Variants in ZNF804B observed in about 807,000 individuals in gnomAD.
ZNF804B encodes the protein zinc finger protein 804B, also known as zinc finger 804B.
In ZNF804B, 80 loss-of-function variants were observed where a neutral mutation model predicts 101.4. That is an observed-to-expected ratio of 0.79 (90% CI 0.66 to 0.95). The LOEUF (loss-of-function observed/expected upper bound fraction) is 0.95. ZNF804B is among the 40% of genes least tolerant of loss of function. ZNF804B has a pLI of 0.00. For synonymous variants in ZNF804B, 622 were observed against 558.8 expected (o/e 1.11, Z -1.59); for missense variants, 1,673 against 1,561.9 (o/e 1.07, Z -1.20).
rs368697789 is a variant in ZNF804B, at chr7:89,335,116, T to G, written c.2134T>G (p.Leu712Val). ...QSCLSRYSSS[L>V]DTSPSSMSSL... ...ATGTTTGAGTAGATATTCTTCCTCT[T>G]TGGACACATCCCCTAGCAGCATGTC... Residue 712 changes from leucine to valine, a missense_variant, in exon 4 of 4, where the codon TTG (leucine) becomes GTG (valine). Transcript: ENST00000333190. 7 of 1,613,862 alleles carry G rather than the reference T, an allele frequency of 4.3e-6. No individual in the cohort carries two copies. Among genetic ancestry groups the G allele is most frequent in the Non-Finnish European group, 5.9e-6 (7 of 1,179,910 alleles).
chr7:89,177,891 C>A (rs181360721), intron 1 of ZNF804B, among the ~76,000 whole-genome samples: 2 of 151,442 alleles, frequency 1.3e-5, no homozygotes, highest in African/African-American at 2.4e-5. Context: ...GCCGACACAG[C>A]GCCACTGCAC....
chr7:89,184,216 CAT>C (rs1788341316), intron 1 of ZNF804B, among the ~76,000 whole-genome samples: 1 of 152,130 alleles, frequency 6.6e-6, no homozygotes, highest in Non-Finnish European at 1.5e-5. Context: ...CTCACACACA[CAT>C]ATTTTAATCA....
chr7:88,837,887 A>G lies in ZNF804B; in HGVS notation c.108+77803A>G, dbSNP rs551170324. On this transcript the variant is annotated intron_variant, in intron 1 of 3. Coordinates refer to ENST00000333190, the MANE Select transcript of ZNF804B (RefSeq NM_181646.5). ...TAAAATACCACCACTAATCTCCCCA[A>G]GTTTTTTAAGAAAATATATTTACTT... Among the ~76,000 whole-genome samples, 11 of 151,876 alleles carry G rather than the reference A, an allele frequency of 7.2e-5. No individual in the cohort carries two copies. The South Asian group carries it at 2.3e-3, about 31-fold the overall frequency.
chr7:89,073,452 A>AT (rs796480514), intron 1 of ZNF804B, among the ~76,000 whole-genome samples: 9 of 152,186 alleles, frequency 5.9e-5, no homozygotes, highest in African/African-American at 2.2e-4. Context: ...AAGGCTGCTT[A>AT]TTTTTATCTA....
At chr7:89,101,680 A>G (rs909955111) in intron 1 of ZNF804B, among the ~76,000 whole-genome samples, 2 of 151,960 alleles carry the variant, frequency 1.3e-5, no homozygotes, top group African/African-American at 2.4e-5. Context: ...CACTTAATTT[A>G]TATATGATAT....
chr7:88,922,089 T>C (rs1396426488), intron 1 of ZNF804B, among the ~76,000 whole-genome samples: 1 of 152,064 alleles, frequency 6.6e-6, no homozygotes, highest in Admixed American at 6.6e-5. Flanking sequence ...AACTTCAGGA[T>C]CAACAGAATT....
chr7:89,061,076 A>G (rs1297630178), intron 1 of ZNF804B, among the ~76,000 whole-genome samples: 1 of 152,050 alleles, frequency 6.6e-6, no homozygotes, highest in East Asian at 1.9e-4. Context: ...TAACTTTTTT[A>G]TCACTATGGT....
At chr7:88,951,667 T>C (rs1584035174) in intron 1 of ZNF804B, among the ~76,000 whole-genome samples, 1 of 151,874 alleles carries the variant, frequency 6.6e-6, no homozygotes, top group Non-Finnish European at 1.5e-5. Flanking sequence ...TATAGATTTC[T>C]ATAAACTATA....
chr7:88,996,801 A>C (rs1788208001), intron 1 of ZNF804B, among the ~76,000 whole-genome samples: 1 of 152,096 alleles, frequency 6.6e-6, no homozygotes, highest in African/African-American at 2.4e-5. Flanking sequence ...CTCAGAAGGA[A>C]TCTGAACAAA....
chr7:89,060,714 T>C (rs1319173261), intron 1 of ZNF804B, among the ~76,000 whole-genome samples: 1 of 152,174 alleles, frequency 6.6e-6, no homozygotes, highest in Non-Finnish European at 1.5e-5. Context: ...ATATATATTG[T>C]ACGAAGATTT....
At chr7:88,932,579 C>T (rs1236518798) in intron 1 of ZNF804B, among the ~76,000 whole-genome samples, 2 of 151,510 alleles carry the variant, frequency 1.3e-5, no homozygotes, top group East Asian at 3.9e-4. Flanking sequence ...AAACCAACAC[C>T]ATAGAAATTC....
intron 1 of ZNF804B, among the ~76,000 whole-genome samples, chr7:88,971,379 A>G (rs1037569022): frequency 2.6e-5 from 4 of 151,804 alleles, no homozygotes; most frequent in South Asian, 4.1e-4. Context: ...ACAATTTTTG[A>G]CAATAAAGAA....
chr7:89,334,992 G>A lies in ZNF804B; in HGVS notation c.2010G>A (p.Gly670=), dbSNP rs1282506266. ...PCTVGGHSDH[G]KDFSVILKSN... ...CAGTAGGGGGTCACAGTGACCATGG[G>A]AAAGACTTCAGTGTAATTTTGAAGA... Residue 670 remains glycine, a synonymous_variant, in exon 4 of 4, where the codon GGG becomes GGA. Coordinates refer to ENST00000333190, the MANE Select transcript of ZNF804B (RefSeq NM_181646.5). 6.2e-7 allele frequency: 1 copy of A among 1,613,768 alleles called. No individual in the cohort carries two copies. Among genetic ancestry groups the A allele is most frequent in the Non-Finnish European group, 8.5e-7 (1 of 1,179,908 alleles).
chr7:89,218,787 G>T (rs185582211), intron 2 of ZNF804B, among the ~76,000 whole-genome samples: 8 of 152,176 alleles, frequency 5.3e-5, no homozygotes, highest in African/African-American at 1.9e-4. Flanking sequence ...AAAAGAAAAT[G>T]TTATTAAGAA....
At chr7:89,162,411 T>A (rs1201049232) in intron 1 of ZNF804B, among the ~76,000 whole-genome samples, 1 of 152,128 alleles carries the variant, frequency 6.6e-6, no homozygotes, top group African/African-American at 2.4e-5. Flanking sequence ...AAATAGCTTT[T>A]GACCCAAAAA....
intron 1 of ZNF804B, among the ~76,000 whole-genome samples, chr7:89,183,495 C>A (rs563056335): frequency 5.5e-4 from 83 of 152,192 alleles, no homozygotes; most frequent in African/African-American, 1.9e-3. Flanking sequence ...CTGCAAAAAT[C>A]ATTTTCTTTT....
intron 1 of ZNF804B, among the ~76,000 whole-genome samples, chr7:88,889,583 A>G (rs772736741): frequency 1.3e-5 from 2 of 152,132 alleles, no homozygotes; most frequent in African/African-American, 2.4e-5. Context: ...GGCCATTTGT[A>G]TGTCTTCTTT....
At chr7:88,877,026 A>AATATATAT (rs1231449305) in intron 1 of ZNF804B, among the ~76,000 whole-genome samples, 1 of 41,102 alleles carries the variant, frequency 2.4e-5, no homozygotes, top group African/African-American at 1.7e-4. Flanking sequence ...ATATATATAT[A>AATATATAT]ATATATATAT....
intron 1 of ZNF804B, among the ~76,000 whole-genome samples, chr7:88,927,207 A>G (rs1792817651): frequency 6.6e-6 from 1 of 152,176 alleles, no homozygotes; most frequent in Non-Finnish European, 1.5e-5. Context: ...AAGCATTGGA[A>G]GAGTGGCGTT....
Sources: gnomAD v4.1 joint callset for allele counts (sites outside exome capture counted in the v4.1 genomes callset) on GRCh38, gnomAD v4.1.1 for gene constraint, MANE v1.5 for transcripts, NCBI Gene and HGNC (gene_info 2026-07-23, HGNC 2026-07-21) for gene names.